The following RALYL variants were observed in gnomAD, a reference collection of about 807,000 sequenced individuals.
RALYL encodes RALY RNA binding protein like.
A neutral mutation model predicts 35.1 loss-of-function variants in RALYL; 29 were observed. The observed-to-expected ratio is 0.83, with a 90% CI of 0.61 to 1.13. The LOEUF (loss-of-function observed/expected upper bound fraction) is 1.13. RALYL is among the 50% of genes most tolerant of loss of function. The pLI is 0.00. For synonymous variants in RALYL, 120 were observed against 127.6 expected (o/e 0.94, Z 0.40); for missense variants, 359 against 360.4 (o/e 1.00, Z 0.03).
intron 2 of RALYL, among the ~76,000 whole-genome samples, chr8:84,582,463 C>G (rs1205934107): frequency 6.6e-6 from 1 of 151,886 alleles, no homozygotes; most frequent in Non-Finnish European, 1.5e-5. Context: ...TTTCCCCACT[C>G]TACAATGTAA....
chr8:84,309,978 T>C (rs1425863824), intron 1 of RALYL, among the ~76,000 whole-genome samples: 1 of 152,104 alleles, frequency 6.6e-6, no homozygotes, highest in African/African-American at 2.4e-5. Context: ...CCACCTGCCT[T>C]GGGCTCCCAA....
At chr8:84,427,658 G>A (rs963947147) in intron 1 of RALYL, among the ~76,000 whole-genome samples, 1 of 152,070 alleles carries the variant, frequency 6.6e-6, no homozygotes, top group Non-Finnish European at 1.5e-5. Flanking sequence ...TCTCTCCTCT[G>A]TGCCTTTAAT....
intron 1 of RALYL, among the ~76,000 whole-genome samples, chr8:84,247,508 A>G (rs186437971): frequency 1.6e-3 from 248 of 152,114 alleles, no homozygotes; most frequent in African/African-American, 5.7e-3. Context: ...AGTTTGTGCA[A>G]CAATTTAATG....
At chr8:84,808,481 A>C (rs111476923) in intron 4 of RALYL, among the ~76,000 whole-genome samples, 1 of 152,130 alleles carries the variant, frequency 6.6e-6, no homozygotes, top group Admixed American at 6.5e-5. Flanking sequence ...TGTTTTGGCT[A>C]TACGGGCTCT....
intron 1 of RALYL, among the ~76,000 whole-genome samples, chr8:84,470,287 A>G (rs1347517448): frequency 5.3e-5 from 8 of 152,136 alleles, no homozygotes; most frequent in Non-Finnish European, 1.0e-4. Context: ...GGCCTACACT[A>G]TCATTTTTGG....
chr8:84,259,683 T>C (rs1001836979), intron 1 of RALYL, among the ~76,000 whole-genome samples: 8 of 152,222 alleles, frequency 5.3e-5, no homozygotes, highest in South Asian at 4.1e-4. Context: ...CCTTGTGTTT[T>C]TGTGATCAAA....
rs988945575 is a variant in RALYL, at chr8:84,769,075, A to G, written c.257-5504A>G. ...TAATTTTACATGTTCATTTTATGTCATTAAGTCTAAGCTAGAAATATATAA... is the reference window on the plus strand; with the variant it reads ...TAATTTTACATGTTCATTTTATGTCGTTAAGTCTAAGCTAGAAATATATAA... On this transcript the variant is annotated intron_variant, in intron 2 of 8. Coordinates refer to ENST00000521268, the MANE Select transcript of RALYL (RefSeq NM_173848.7). Among the ~76,000 whole-genome samples, 15 of 152,198 alleles carry G rather than the reference A, an allele frequency of 9.9e-5. No homozygotes were observed. In the East Asian group the frequency reaches 2.9e-3, roughly 29 times the overall value.
At chr8:84,471,414 C>T (rs2052730157) in intron 1 of RALYL, among the ~76,000 whole-genome samples, 1 of 149,154 alleles carries the variant, frequency 6.7e-6, no homozygotes, top group Non-Finnish European at 1.5e-5. Flanking sequence ...AAGACCACAT[C>T]TGTACACAAA....
intron 1 of RALYL, among the ~76,000 whole-genome samples, chr8:84,213,780 C>G (rs1820116964): frequency 6.6e-6 from 1 of 152,044 alleles, no homozygotes; most frequent in Non-Finnish European, 1.5e-5. Context: ...CGGTTCTGTC[C>G]TAAGAATATA....
At chr8:84,752,301 A>G (rs761768056) in intron 2 of RALYL, among the ~76,000 whole-genome samples, 45 of 152,200 alleles carry the variant, frequency 3.0e-4, no homozygotes, top group Non-Finnish European at 4.9e-4. Flanking sequence ...CAAAGCATTC[A>G]CAGTGACCTG....
chr8:84,458,873 T>C (rs1449426392), intron 1 of RALYL, among the ~76,000 whole-genome samples: 1 of 151,890 alleles, frequency 6.6e-6, no homozygotes. Flanking sequence ...TTTAAGTAGA[T>C]GATTTTCAGC....
rs189191563 is a variant in RALYL at position 84,749,923 on chromosome 8, C to T, written c.257-24656C>T. On this transcript the variant is annotated intron_variant, in intron 2 of 8. Coordinates refer to ENST00000521268, the MANE Select transcript of RALYL (RefSeq NM_173848.7). ...CCACTTGAACCACAGATGTGGAACC[C>T]TGAGAGGCAGCTCATCCTGGCTTAT... Among the ~76,000 whole-genome samples, 17 of 152,288 alleles carry T rather than the reference C, an allele frequency of 1.1e-4. No homozygotes were observed. In the East Asian group the frequency reaches 2.5e-3, roughly 23 times the overall value.
At chr8:84,645,221 A>G (rs924242142) in intron 2 of RALYL, among the ~76,000 whole-genome samples, 1 of 151,776 alleles carries the variant, frequency 6.6e-6, no homozygotes, top group Non-Finnish European at 1.5e-5. Context: ...TATTATTTTT[A>G]CTGTGTTTTC....
chr8:84,658,139 G>A (rs1830284123), intron 2 of RALYL, among the ~76,000 whole-genome samples: 1 of 152,052 alleles, frequency 6.6e-6, no homozygotes, highest in Admixed American at 6.6e-5. Flanking sequence ...CCCATTTTTG[G>A]AACATGGGTC....
intron 1 of RALYL, among the ~76,000 whole-genome samples, chr8:84,491,030 C>T (rs572005377): frequency 2.2e-4 from 33 of 151,862 alleles, no homozygotes; most frequent in Admixed American, 5.3e-4. Context: ...ATGATCAAAA[C>T]GGGGAAGAAC....
In RALYL at chr8:84,541,441, A is replaced by C. The variant is rs978434771; in HGVS notation, c.256+11864A>C. ...TTTCACTGTAACCAGAAAATAATAT[A>C]TAATAAAATTAATTAAAATTCAATG... On this transcript the variant is annotated intron_variant, in intron 2 of 8. Transcript: ENST00000521268. Among the ~76,000 whole-genome samples, 9 of 152,112 alleles carry C rather than the reference A, an allele frequency of 5.9e-5. 1 individual carries two copies. In the South Asian group the frequency reaches 1.9e-3, roughly 31 times the overall value.
intron 7 of RALYL, among the ~76,000 whole-genome samples, chr8:84,873,618 G>A (rs1474646382): frequency 6.6e-6 from 1 of 152,116 alleles, no homozygotes; most frequent in Non-Finnish European, 1.5e-5. Flanking sequence ...AAAAATAAAA[G>A]GCAAGGACAA....
At chr8:84,808,891 C>G (rs1825282755) in intron 4 of RALYL, among the ~76,000 whole-genome samples, 1 of 152,132 alleles carries the variant, frequency 6.6e-6, no homozygotes, top group Admixed American at 6.6e-5. Flanking sequence ...TTTATCCATT[C>G]TAGGAGCTTT....
intron 1 of RALYL, among the ~76,000 whole-genome samples, chr8:84,428,215 T>C (rs903568290): frequency 5.3e-5 from 8 of 151,990 alleles, no homozygotes; most frequent in African/African-American, 1.9e-4. Flanking sequence ...TATAAACTAT[T>C]AGTTATAGTT....
Sources: allele counts gnomAD v4.1 joint callset (sites outside exome capture counted in the v4.1 genomes callset), GRCh38; gene constraint gnomAD v4.1.1; transcripts MANE v1.5; gene names NCBI Gene and HGNC (gene_info 2026-07-23, HGNC 2026-07-21).